Variants in FAM228B observed in about 807,000 individuals in gnomAD.
FAM228B encodes the protein protein FAM228B.
A neutral mutation model predicts 42.6 loss-of-function variants in FAM228B; 38 were observed. That is an observed-to-expected ratio of 0.89 (90% CI 0.69 to 1.17). The LOEUF is 1.17. Ranked by LOEUF, FAM228B falls within the 50% of genes most tolerant of loss-of-function variation. The pLI, the probability that FAM228B is intolerant of heterozygous loss-of-function variation, is 0.00. For missense variants in FAM228B, 344 were observed against 367.3 expected (o/e 0.94, Z 0.52); for synonymous variants, 109 against 122.3 (o/e 0.89, Z 0.72).
rs115738632 is a variant in FAM228B at position 24,164,136 on chromosome 2, T to C, written c.795-62T>C. 1.3e-3 allele frequency: 1,864 copies of C among 1,383,286 alleles called. 18 individuals carry two copies. In the African/African-American group the frequency reaches 0.025, roughly 19 times the overall value. 85.7% of individuals were successfully genotyped at this position (1,383,286 alleles called of 1,614,324 possible). On this transcript the variant is annotated intron_variant, in intron 8 of 10. Transcript: ENST00000615575. ...TCAACTTCAAATTTAAATAAAAATA[T>C]TAAGTGCTACAGTTGAGTTGAGAGT... is the stretch of plus-strand genomic sequence containing the variant.
chr2:24,144,364 G>A (rs1279317966), intron 5 of FAM228B, among the ~76,000 whole-genome samples: 1 of 152,122 alleles, frequency 6.6e-6, no homozygotes, highest in Non-Finnish European at 1.5e-5. Flanking sequence ...CTGAGCCTAG[G>A]AGGTTGAAGC....
At chr2:24,094,439 GATTTCTT>G (rs1665454810) in intron 2 of FAM228B, among the ~76,000 whole-genome samples, 1 of 151,978 alleles carries the variant, frequency 6.6e-6, no homozygotes. Flanking sequence ...AAAAGATAAG[GATTTCTT>G]ATTTCTTTTA....
chr2:24,150,037 T>C (rs1315285345), intron 7 of FAM228B, among the ~76,000 whole-genome samples: 1 of 152,192 alleles, frequency 6.6e-6, no homozygotes, highest in Admixed American at 6.5e-5. Flanking sequence ...TGTTCCTCTT[T>C]GTGTCTTATT....
At chr2:24,109,301 T>A (rs989661957) in intron 3 of FAM228B, among the ~76,000 whole-genome samples, 2 of 151,894 alleles carry the variant, frequency 1.3e-5, no homozygotes, top group Admixed American at 6.6e-5. Context: ...CAACTCAAGA[T>A]GGATTAAAGA....
chr2:24,160,880 A>G (rs1667269647), intron 7 of FAM228B, among the ~76,000 whole-genome samples: 1 of 152,224 alleles, frequency 6.6e-6, no homozygotes, highest in Admixed American at 6.5e-5. Context: ...AGCATTTTAT[A>G]TAATGCTTAT....
chr2:24,089,334 A>C (rs756483304), intron 2 of FAM228B, among the ~76,000 whole-genome samples: 3 of 152,252 alleles, frequency 2.0e-5, no homozygotes, highest in Non-Finnish European at 1.5e-5. Context: ...GGAATGAGAA[A>C]GGAGATACAA....
In FAM228B at chr2:24,084,133, G is replaced by A; in HGVS notation, c.-210+3178G>A. 6.4e-7 allele frequency: 1 copy of A among 1,564,896 alleles called. No homozygotes were observed. Among genetic ancestry groups the A allele is most frequent in the Non-Finnish European group, 8.6e-7 (1 of 1,160,038 alleles). ...GTCTGGTCAATGTCCACTGAGTGCT[G>A]TTGAGAGGGAGGCTCTGGAGTCCCG... is the stretch of plus-strand genomic sequence containing the variant. On this transcript the variant is annotated intron_variant, in intron 2 of 10. Coordinates refer to the FAM228B transcript ENST00000613899. This position sits in a 1 kb window ranked among gnomAD's most constrained non-coding sequence, Gnocchi z 8.4.
intron 2 of FAM228B, among the ~76,000 whole-genome samples, chr2:24,133,836 C>G (rs1666513263): frequency 6.6e-6 from 1 of 152,136 alleles, no homozygotes; most frequent in Admixed American, 6.6e-5. Context: ...TGCTTGAGCT[C>G]AGGAGTTTGA....
chr2:24,161,757 C>T (rs1222087456), intron 8 of FAM228B, 144 bp downstream of exon 8: 3 of 622,426 alleles, frequency 4.8e-6, no homozygotes, highest in South Asian at 1.9e-5. Flanking sequence ...GCATCTCCTA[C>T]CACTGTGTCT....
intron 2 of FAM228B, chr2:24,081,156 T>C: frequency 1.5e-6 from 1 of 670,792 alleles, no homozygotes; most frequent in Non-Finnish European, 2.2e-6. Context: ...CTTTTCCTTT[T>C]TTATTTGGTG....
intron 9 of FAM228B, chr2:24,166,050 A>ATATATATAT (rs1553334331): frequency 2.6e-4 from 3 of 11,668 alleles, no homozygotes; most frequent in African/African-American, 4.9e-4. Context: ...CTAAAAAAAA[A>ATATATATAT]AAAAATATAT....
intron 3 of FAM228B, 121 bp from the exon 4 acceptor site, chr2:24,137,788 T>C: frequency 4.7e-6 from 3 of 637,286 alleles, no homozygotes; most frequent in South Asian, 2.2e-5. Context: ...ATTGAATTAA[T>C]GAATGTCTCT....
chr2:24,152,401 G>C (rs1320338558), intron 7 of FAM228B, among the ~76,000 whole-genome samples: 2 of 152,190 alleles, frequency 1.3e-5, no homozygotes, highest in Non-Finnish European at 2.9e-5. Flanking sequence ...ATATTCATCA[G>C]TGTCTGAGCA....
At chr2:24,113,919 A>G (rs964364604) in intron 3 of FAM228B, among the ~76,000 whole-genome samples, 2 of 152,044 alleles carry the variant, frequency 1.3e-5, no homozygotes, top group African/African-American at 4.8e-5. Context: ...GAATCAAACT[A>G]CTGACTAAAT....
At chr2:24,132,461 A>ATTTT (rs1346979863) in intron 2 of FAM228B, among the ~76,000 whole-genome samples, 6 of 61,496 alleles carry the variant, frequency 9.8e-5, no homozygotes, top group Admixed American at 3.3e-4. Context: ...TGGTCCTGGG[A>ATTTT]TTGTTTTTTT....
chr2:24,143,065 C>T (rs1248327693), intron 5 of FAM228B, among the ~76,000 whole-genome samples: 1 of 152,178 alleles, frequency 6.6e-6, no homozygotes, highest in Non-Finnish European at 1.5e-5. Flanking sequence ...CATAACTAAC[C>T]TTTAAGAAAC....
chr2:24,083,085 A>G, intron 2 of FAM228B: 1 of 1,614,124 alleles, frequency 6.2e-7, no homozygotes, highest in East Asian at 2.2e-5. Flanking sequence ...CAGCTCTGCC[A>G]CATGTCCAGA....
chr2:24,082,099 G>C (rs1261617178), intron 2 of FAM228B, among the ~76,000 whole-genome samples: 1 of 152,150 alleles, frequency 6.6e-6, no homozygotes, highest in East Asian at 1.9e-4. Flanking sequence ...GGGCTCAGGT[G>C]ATCCTCCCAA....
intron 2 of FAM228B, among the ~76,000 whole-genome samples, chr2:24,086,038 A>G (rs1015277660): frequency 1.3e-5 from 2 of 152,102 alleles, no homozygotes; most frequent in Non-Finnish European, 2.9e-5. Flanking sequence ...GATCGAGACC[A>G]TCCTGGCTAA....
Sources: allele counts gnomAD v4.1 joint callset (sites outside exome capture counted in the v4.1 genomes callset), GRCh38; gene constraint gnomAD v4.1.1; non-coding constraint Gnocchi (gnomAD v3.1); transcripts MANE v1.5; gene names NCBI Gene and HGNC (gene_info 2026-07-23, HGNC 2026-07-21).